Variants in DLGAP4 observed in about 807,000 individuals in gnomAD.
DLGAP4 encodes disks large-associated protein 4.
In DLGAP4, 18 loss-of-function variants were observed where a neutral mutation model predicts 86.9. The observed-to-expected ratio is 0.21, with a 90% CI of 0.14 to 0.31. The LOEUF (loss-of-function observed/expected upper bound fraction) is 0.31, where lower values mean the gene tolerates loss of function less well. DLGAP4 is among the 10% of genes least tolerant of loss of function. The pLI is 1.00. For synonymous variants in DLGAP4, 548 were observed against 574.3 expected (o/e 0.95, Z 0.65); for missense variants, 1,085 against 1,362.6 (o/e 0.80, Z 3.21).
intron 1 of DLGAP4, among the ~76,000 whole-genome samples, chr20:36,358,300 C>T (rs553163199): frequency 2.0e-5 from 3 of 152,330 alleles, no homozygotes; most frequent in South Asian, 2.1e-4. Context: ...AGTCCATCCC[C>T]GTCCTCGTGG....
chr20:36,380,695 A>C (rs2056520712), intron 2 of DLGAP4, among the ~76,000 whole-genome samples: 1 of 151,218 alleles, frequency 6.6e-6, no homozygotes, highest in Non-Finnish European at 1.5e-5. Flanking sequence ...AGCCAGGGCC[A>C]GTGCAGTGAT....
intron 7 of DLGAP4, chr20:36,461,523 C>A (rs1204183089): frequency 1.0e-6 from 1 of 983,326 alleles, no homozygotes; most frequent in Non-Finnish European, 1.2e-6. Context: ...GAGTGCCCGC[C>A]GCTGGCCGCC....
At chr20:36,380,806 G>GACAGGA (rs2031363708) in intron 2 of DLGAP4, among the ~76,000 whole-genome samples, 4 of 152,202 alleles carry the variant, frequency 2.6e-5, no homozygotes, top group Admixed American at 2.0e-4. Flanking sequence ...TGCTGCATCT[G>GACAGGA]AATTCTAGAC....
chr20:36,524,190 G>A, intron 10 of DLGAP4, 60 bp from the exon 11 acceptor site: 1 of 1,371,474 alleles, frequency 7.3e-7, no homozygotes, highest in Admixed American at 1.7e-5. Context: ...AAAGCATGAT[G>A]CCATCCCACC....
chr20:36,395,263 A>G (rs2031912496), intron 2 of DLGAP4, among the ~76,000 whole-genome samples: 1 of 152,160 alleles, frequency 6.6e-6, no homozygotes, highest in Non-Finnish European at 1.5e-5. Flanking sequence ...GTATTGTTGC[A>G]TGACATTATA....
intron 1 of DLGAP4, among the ~76,000 whole-genome samples, chr20:36,346,698 T>G (rs1170476683): frequency 2.0e-5 from 3 of 152,208 alleles, no homozygotes; most frequent in Admixed American, 2.0e-4. Flanking sequence ...TTCTGTCACT[T>G]GAGTGTTTTA....
intron 1 of DLGAP4, among the ~76,000 whole-genome samples, chr20:36,354,836 G>A (rs1205722994): frequency 1.3e-5 from 2 of 152,084 alleles, no homozygotes; most frequent in Non-Finnish European, 2.9e-5. Flanking sequence ...CAGCTACTCA[G>A]GAGGCTGAGG....
At chr20:36,513,364 A>C (rs929773873) in intron 10 of DLGAP4, among the ~76,000 whole-genome samples, 5 of 150,440 alleles carry the variant, frequency 3.3e-5, no homozygotes, top group South Asian at 2.1e-4. Context: ...CTGGCTAACA[A>C]GGTGAAACCC....
intron 1 of DLGAP4, among the ~76,000 whole-genome samples, chr20:36,309,239 C>T (rs1011748551): frequency 4.6e-5 from 7 of 152,226 alleles, no homozygotes; most frequent in African/African-American, 1.7e-4. Flanking sequence ...CGCCCAGCCC[C>T]GTGGGCCTCT....
chr20:36,395,713 G>A (rs1836837608), intron 2 of DLGAP4, among the ~76,000 whole-genome samples: 1 of 152,076 alleles, frequency 6.6e-6, no homozygotes, highest in African/African-American at 2.4e-5. Flanking sequence ...TGACCCGGCT[G>A]GTCTCAAACT....
intron 5 of DLGAP4, 28 bp downstream of exon 5, chr20:36,439,896 CAG>C (rs766296601): frequency 6.3e-7 from 1 of 1,590,836 alleles, no homozygotes; most frequent in South Asian, 1.1e-5. Context: ...GCTGGAGAGT[CAG>C]GGGGCTTGGG....
rs543864356 is a variant in DLGAP4, at chr20:36,397,920, G to A, written c.-73+30645G>A. Among the ~76,000 whole-genome samples the A allele has an allele frequency of 3.9e-5, 6 of 152,086 alleles. No individual in the cohort carries two copies. In the East Asian group the frequency reaches 9.6e-4, roughly 24 times the overall value. ...GTGGATCACCTGAGGTCAGGAGTTC[G>A]AGACTAGCCTGGCCAACATGGTGAA... On this transcript the variant is annotated intron_variant, in intron 2 of 12. Transcript: ENST00000339266.
At chr20:36,518,314 C>T (rs554549978) in intron 10 of DLGAP4, among the ~76,000 whole-genome samples, 1 of 151,524 alleles carries the variant, frequency 6.6e-6, no homozygotes, top group East Asian at 1.9e-4. Flanking sequence ...TCACATTATC[C>T]TTTACTCATT....
intron 2 of DLGAP4, among the ~76,000 whole-genome samples, chr20:36,373,582 G>A (rs1236127885): frequency 6.6e-6 from 1 of 152,136 alleles, no homozygotes; most frequent in Non-Finnish European, 1.5e-5. Context: ...CTCAAGAGTG[G>A]AGAGTGGGGA....
intron 1 of DLGAP4, among the ~76,000 whole-genome samples, chr20:36,366,410 G>A (rs1048633475): frequency 1.3e-5 from 2 of 152,170 alleles, no homozygotes; most frequent in Admixed American, 6.5e-5. Context: ...CACCTGTTCA[G>A]GGGAAGTGGG....
intron 2 of DLGAP4, among the ~76,000 whole-genome samples, chr20:36,371,096 A>G (rs905097828): frequency 3.3e-5 from 5 of 152,206 alleles, no homozygotes; most frequent in Non-Finnish European, 7.3e-5. Context: ...AGTGCCTTGT[A>G]TCCTGTGCGT....
intron 11 of DLGAP4, 32 bp from the exon 12 acceptor site, chr20:36,525,819 G>A (rs1569527509): frequency 6.2e-7 from 1 of 1,609,532 alleles, no homozygotes. Flanking sequence ...CCTCTGCTGA[G>A]CTGGCCCCAC....
intron 7 of DLGAP4, among the ~76,000 whole-genome samples, chr20:36,457,152 CAGGG>C (rs1483721574): frequency 1.1e-4 from 16 of 151,848 alleles, no homozygotes; most frequent in Non-Finnish European, 2.4e-4. Context: ...TGGCAGAGTG[CAGGG>C]AGGGGTGCCG....
intron 7 of DLGAP4, among the ~76,000 whole-genome samples, chr20:36,472,804 CTG>C (rs2034729986): frequency 6.6e-6 from 1 of 152,242 alleles, no homozygotes; most frequent in Admixed American, 6.5e-5. Flanking sequence ...AGGGGACACT[CTG>C]AGGGACCCAG....
Sources: allele counts gnomAD v4.1 joint callset (sites outside exome capture counted in the v4.1 genomes callset), GRCh38; gene constraint gnomAD v4.1.1; transcripts MANE v1.5; gene names NCBI Gene and HGNC (gene_info 2026-07-23, HGNC 2026-07-21).